The following TENM2 variants were observed in gnomAD, a reference collection of about 807,000 sequenced individuals.
The protein encoded by TENM2 is teneurin transmembrane protein 2, also known as teneurin-2.
Under a neutral mutation model 245.2 loss-of-function variants are expected in TENM2, and 52 were observed. That is an observed-to-expected ratio of 0.21 (90% CI 0.17 to 0.27). The LOEUF is 0.27. Among genes scored for constraint, TENM2 ranks in the 10% least tolerant of loss-of-function variants. The pLI, the probability that TENM2 is intolerant of heterozygous loss-of-function variation, is 1.00. For missense variants in TENM2, 3,046 were observed against 3,666.8 expected, an observed-to-expected ratio of 0.83 and a Z score of 4.37; for synonymous variants, 1,363 against 1,438.9, an observed-to-expected ratio of 0.95 and a Z score of 1.19.
intron 2 of TENM2, among the ~76,000 whole-genome samples, chr5:167,600,084 T>TGTGTTA (rs1776512989): frequency 6.6e-6 from 1 of 150,936 alleles, no homozygotes; most frequent in Non-Finnish European, 1.5e-5. Context: ...AGGCGGAGTT[T>TGTGTTA]GCTTCATTTA....
intron 2 of TENM2, among the ~76,000 whole-genome samples, chr5:167,590,753 A>G (rs1001179566): frequency 2.6e-5 from 4 of 152,052 alleles, no homozygotes; most frequent in African/African-American, 9.7e-5. Context: ...TTGCTCTCCA[A>G]TAAAACATGT....
the TENM2 span, among the ~76,000 whole-genome samples, chr5:167,184,949 T>A: frequency 2.0e-5 from 3 of 152,212 alleles, no homozygotes; most frequent in Non-Finnish European, 4.4e-5. Flanking sequence ...ATCCCTCGCA[T>A]GTGCAGTTCA....
chr5:168,071,821 G>A (rs1414733833), intron 7 of TENM2, among the ~76,000 whole-genome samples: 2 of 152,192 alleles, frequency 1.3e-5, no homozygotes, highest in Non-Finnish European at 2.9e-5. Context: ...CATTAATTGA[G>A]TGCTTACTAT....
chr5:167,769,964 T>A (rs935530365), intron 2 of TENM2, among the ~76,000 whole-genome samples: 2 of 152,228 alleles, frequency 1.3e-5, no homozygotes, highest in African/African-American at 2.4e-5. Flanking sequence ...CACAATTGTA[T>A]GGCTAGAATG....
intron 2 of TENM2, among the ~76,000 whole-genome samples, chr5:167,716,682 A>T (rs1402106376): frequency 6.6e-6 from 1 of 152,190 alleles, no homozygotes; most frequent in East Asian, 1.9e-4. Context: ...AGACTGTTTT[A>T]TGCAAGTCTT....
At chr5:167,185,320 G>T in the TENM2 span, among the ~76,000 whole-genome samples, 1 of 152,088 alleles carries the variant, frequency 6.6e-6, no homozygotes, top group South Asian at 2.1e-4. Context: ...AGTTGATTTG[G>T]GGATTTTAAT....
chr5:167,003,268 C>A, the TENM2 span, among the ~76,000 whole-genome samples: 1 of 152,108 alleles, frequency 6.6e-6, no homozygotes, highest in Non-Finnish European at 1.5e-5. Flanking sequence ...GTTTAATAAT[C>A]CAGGTGTCTT....
chr5:167,475,930 G>T (rs1767342279), intron 2 of TENM2, among the ~76,000 whole-genome samples: 1 of 151,714 alleles, frequency 6.6e-6, no homozygotes, highest in African/African-American at 2.4e-5. Flanking sequence ...CCAAGTCTTT[G>T]TATTGTAAAT....
At chr5:168,039,907 C>G (rs975969188) in intron 5 of TENM2, among the ~76,000 whole-genome samples, 1 of 152,056 alleles carries the variant, frequency 6.6e-6, no homozygotes, top group Non-Finnish European at 1.5e-5. Context: ...AGGGGAGGGA[C>G]GCTGCCAGTC....
intron 5 of TENM2, among the ~76,000 whole-genome samples, chr5:168,019,990 G>A (rs954084077): frequency 6.6e-6 from 1 of 152,312 alleles, no homozygotes; most frequent in Admixed American, 6.5e-5. Context: ...CTTTAGAGCA[G>A]GGAATGGATT....
At chr5:167,302,582 GCA>G (rs1755404984) in intron 1 of TENM2, among the ~76,000 whole-genome samples, 1 of 151,608 alleles carries the variant, frequency 6.6e-6, no homozygotes, top group Non-Finnish European at 1.5e-5. Flanking sequence ...AAGGGATGGG[GCA>G]CAGAGATAAG....
At chr5:167,148,140 A>C in the TENM2 span, among the ~76,000 whole-genome samples, 1 of 152,202 alleles carries the variant, frequency 6.6e-6, no homozygotes, top group African/African-American at 2.4e-5. Context: ...CACTGAGATA[A>C]TTTGGCTAGT....
At chr5:167,618,282 G>A (rs1169291872) in intron 2 of TENM2, among the ~76,000 whole-genome samples, 1 of 152,104 alleles carries the variant, frequency 6.6e-6, no homozygotes, top group Admixed American at 6.6e-5. Flanking sequence ...GTGGGTGGCA[G>A]AGCTGAAGCT....
At chr5:168,185,546 G>A (rs1346306809) in intron 13 of TENM2, among the ~76,000 whole-genome samples, 1 of 151,926 alleles carries the variant, frequency 6.6e-6, no homozygotes, top group Non-Finnish European at 1.5e-5. Flanking sequence ...CAACAGCTAG[G>A]TAATAGTCAA....
In TENM2 at chr5:168,069,987, A is replaced by G. The variant is rs545723004; in HGVS notation, c.1515+7722A>G. ...ACATCAAAGAGGGTGATTATAAAAA[A>G]CGTAAAGAGAGATCCTGGGAAATTT... On this transcript the variant is annotated intron_variant, in intron 7 of 28. Coordinates refer to ENST00000518659, the Ensembl canonical transcript of TENM2. Among the ~76,000 whole-genome samples the G allele has an allele frequency of 2.6e-5, 4 of 152,318 alleles. No individual in the cohort carries two copies. In the South Asian group the frequency reaches 6.2e-4, roughly 24 times the overall value.
At chr5:167,335,445 T>A (rs988635704) in intron 1 of TENM2, among the ~76,000 whole-genome samples, 2 of 152,236 alleles carry the variant, frequency 1.3e-5, no homozygotes, top group Non-Finnish European at 1.5e-5. Context: ...ATCAGTTGGC[T>A]GGCTAGCAAC....
chr5:167,176,859 G>A, the TENM2 span, among the ~76,000 whole-genome samples: 2 of 152,292 alleles, frequency 1.3e-5, no homozygotes, highest in African/African-American at 4.8e-5. Context: ...TGTGACCCCC[G>A]TGGTTTAATC....
At chr5:167,100,109 C>A in the TENM2 span, among the ~76,000 whole-genome samples, 1 of 152,208 alleles carries the variant, frequency 6.6e-6, no homozygotes, top group Non-Finnish European at 1.5e-5. Flanking sequence ...TCACTTTCCC[C>A]TATGTAAAGA....
intron 5 of TENM2, among the ~76,000 whole-genome samples, chr5:168,015,350 G>A (rs1351778386): frequency 6.6e-6 from 1 of 152,140 alleles, no homozygotes; most frequent in African/African-American, 2.4e-5. Context: ...CCTGGGCAGG[G>A]GAAAGAACTT....
Sources: allele counts gnomAD v4.1 joint callset (sites outside exome capture counted in the v4.1 genomes callset), GRCh38; gene constraint gnomAD v4.1.1; transcripts MANE v1.5; gene names NCBI Gene and HGNC (gene_info 2026-07-23, HGNC 2026-07-21).